ZMYM2: variants seen among roughly 807,000 people sequenced by gnomAD.
ZMYM2 encodes the protein zinc finger MYM-type protein 2.
ZMYM2 carries 56 observed loss-of-function variants against 162.8 expected under a neutral mutation model. The ratio of observed to expected loss-of-function variants is 0.34; its 90% confidence interval spans 0.28 to 0.43. ZMYM2 has a LOEUF of 0.43. Among genes scored for constraint, ZMYM2 ranks in the 20% least tolerant of loss-of-function variants. The pLI, the probability that ZMYM2 is intolerant of heterozygous loss-of-function variation, is 1.00. For synonymous variants in ZMYM2, 510 were observed against 541.6 expected (o/e 0.94, Z 0.81); for missense variants, 1,275 against 1,621.8 (o/e 0.79, Z 3.67).
At chr13:19,938,705 A>G in the ZMYM2 span, among the ~76,000 whole-genome samples, 1 of 152,142 alleles carries the variant, frequency 6.6e-6, no homozygotes, top group Non-Finnish European at 1.5e-5. Flanking sequence ...AGGGAAGCAG[A>G]GAGATCCCAA....
At chr13:20,045,500 A>C (rs1338932068) in intron 12 of ZMYM2, among the ~76,000 whole-genome samples, 2 of 152,208 alleles carry the variant, frequency 1.3e-5, no homozygotes, top group African/African-American at 4.8e-5. Context: ...AGTCTAAACA[A>C]ATGTTTTGTT....
intron 10 of ZMYM2, among the ~76,000 whole-genome samples, chr13:20,032,603 T>C (rs1308662115): frequency 1.7e-5 from 2 of 114,616 alleles, no homozygotes; most frequent in Admixed American, 8.5e-5. Flanking sequence ...TTCTGTCTTT[T>C]TTTTTTTTTT....
chr13:19,893,253 G>A, the ZMYM2 span, among the ~76,000 whole-genome samples: 8,483 of 148,200 alleles, frequency 0.057, 496 homozygotes, highest in African/African-American at 0.14. Flanking sequence ...CTCTGAATTT[G>A]CCTGTTCTTG....
At chr13:19,969,746 T>G (rs1234339044) in intron 2 of ZMYM2, among the ~76,000 whole-genome samples, 1 of 152,226 alleles carries the variant, frequency 6.6e-6, no homozygotes, top group Non-Finnish European at 1.5e-5. Context: ...GATAAGATTT[T>G]TTATTTTCTG....
chr13:19,962,687 A>G (rs1955377587), intron 2 of ZMYM2, among the ~76,000 whole-genome samples: 1 of 149,632 alleles, frequency 6.7e-6, no homozygotes. Flanking sequence ...ACTGTGCCTG[A>G]CCAATTTTGT....
rs1195481642 is a variant in ZMYM2, at chr13:20,018,856, G to A, written c.1513-691G>A. Among the ~76,000 whole-genome samples, 4 of 152,110 alleles carry A rather than the reference G, an allele frequency of 2.6e-5. No homozygotes were observed. The East Asian group carries it at 5.8e-4, about 22-fold the overall frequency. On this transcript the variant is annotated intron_variant, in intron 6 of 24. Coordinates refer to ENST00000610343, the MANE Select transcript of ZMYM2 (RefSeq NM_197968.4). ...GCACTTTGGGAGGCCCAGGTGGGCC[G>A]ATCACTTGAGGTCAGGAGTTGGAGA... is the stretch of plus-strand genomic sequence containing the variant.
intron 2 of ZMYM2, among the ~76,000 whole-genome samples, chr13:19,978,926 A>G (rs2139440291): frequency 6.6e-6 from 1 of 152,348 alleles, no homozygotes; most frequent in African/African-American, 2.4e-5. Context: ...GCAGGTCTGC[A>G]GGAAATGAAC....
the ZMYM2 span, among the ~76,000 whole-genome samples, chr13:19,949,940 A>AG: frequency 1.3e-5 from 2 of 150,724 alleles, no homozygotes; most frequent in Non-Finnish European, 3.0e-5. Context: ...AGAGAAAAAA[A>AG]GAAGGAAGAA....
At chr13:19,920,887 C>T in the ZMYM2 span, among the ~76,000 whole-genome samples, 1 of 151,544 alleles carries the variant, frequency 6.6e-6, no homozygotes, top group African/African-American at 2.4e-5. Flanking sequence ...CTCAGCCTCC[C>T]GAGTAGCTGG....
At chr13:20,004,848 A>G (rs1471764892) in intron 4 of ZMYM2, among the ~76,000 whole-genome samples, 1 of 152,182 alleles carries the variant, frequency 6.6e-6, no homozygotes, top group Non-Finnish European at 1.5e-5. Flanking sequence ...TTTAAAGATA[A>G]ATTGAGTAGC....
chr13:19,985,086 T>C (rs1949024712), intron 2 of ZMYM2, among the ~76,000 whole-genome samples: 3 of 152,198 alleles, frequency 2.0e-5, no homozygotes. Context: ...GTACTTTCCT[T>C]ATGACAAGTG....
At chr13:20,018,037 G>A (rs149167773) in intron 6 of ZMYM2, among the ~76,000 whole-genome samples, 406 of 152,192 alleles carry the variant, frequency 2.7e-3, no homozygotes, top group Non-Finnish European at 4.2e-3. Flanking sequence ...TCTCTACTTG[G>A]CCTCTCTACA....
Position 19,993,840 on chromosome 13 carries a change from A to G in ZMYM2, c.768A>G (p.Val256=), listed in dbSNP as rs1433947813. 1 of 1,614,146 alleles carries G rather than the reference A, an allele frequency of 6.2e-7. No homozygotes were observed. Among genetic ancestry groups the G allele is most frequent in the South Asian group, 1.1e-5 (1 of 91,078 alleles). Residue 256 remains valine (V), a synonymous_variant, in exon 3 of 25, where the codon GTA becomes GTG. Coordinates refer to ENST00000610343, the MANE Select transcript of ZMYM2 (RefSeq NM_197968.4). Reference sequence around the variant, plus strand: ...TAACTTCACAGACCAAGACTGGAGTAGGACCTTTTAATCCTGGTAGAATGA... The same window carrying G: ...TAACTTCACAGACCAAGACTGGAGTGGGACCTTTTAATCCTGGTAGAATGA... ...PSLTSQTKTG[V]GPFNPGRMNV...
intron 3 of ZMYM2, among the ~76,000 whole-genome samples, chr13:19,994,428 A>T (rs1253179439): frequency 6.6e-6 from 1 of 152,240 alleles, no homozygotes; most frequent in African/African-American, 2.4e-5. Flanking sequence ...TATATAAATT[A>T]GAGAACCAAA....
the ZMYM2 span, among the ~76,000 whole-genome samples, chr13:19,914,870 G>A: frequency 1.3e-5 from 2 of 152,238 alleles, no homozygotes; most frequent in East Asian, 1.9e-4. Context: ...TCATCTAAGT[G>A]GCGATACTTT....
the ZMYM2 span, among the ~76,000 whole-genome samples, chr13:19,866,674 C>A: frequency 1.3e-5 from 2 of 152,154 alleles, no homozygotes; most frequent in South Asian, 4.1e-4. Flanking sequence ...CAAAAACTAA[C>A]TAAATAAATA....
Position 20,069,140 on chromosome 13 carries a change from G to A in ZMYM2, c.3453+1750G>A, listed in dbSNP as rs182827535. Among the ~76,000 whole-genome samples the A allele has an allele frequency of 2.0e-5, 3 of 152,138 alleles. No homozygotes were observed. The East Asian group carries it at 5.8e-4, about 29-fold the overall frequency. On this transcript the variant is annotated intron_variant, in intron 21 of 24. Coordinates refer to ENST00000610343, the MANE Select transcript of ZMYM2 (RefSeq NM_197968.4). The stretch of plus-strand genomic sequence containing the variant: ...TATTCATCAGTTCACTATTCTAGTA[G>A]GTGGTCTTGTTTTGTTATTTTTTAA...
At chr13:20,038,569 TC>T (rs1170464846) in intron 12 of ZMYM2, among the ~76,000 whole-genome samples, 2 of 151,266 alleles carry the variant, frequency 1.3e-5, no homozygotes, top group Non-Finnish European at 2.9e-5. Context: ...TTGTTGAAGA[TC>T]AGATAGTTGT....
chr13:19,933,719 C>T, the ZMYM2 span, among the ~76,000 whole-genome samples: 1 of 152,114 alleles, frequency 6.6e-6, no homozygotes, highest in African/African-American at 2.4e-5. Context: ...CAGAGTCATC[C>T]TTAATTGGGA....
Sources: gnomAD v4.1 joint callset for allele counts (sites outside exome capture counted in the v4.1 genomes callset) on GRCh38, gnomAD v4.1.1 for gene constraint, MANE v1.5 for transcripts, NCBI Gene and HGNC (gene_info 2026-07-23, HGNC 2026-07-21) for gene names.